Variants in APBA2 observed in about 807,000 individuals in gnomAD.
The protein encoded by APBA2 is amyloid beta precursor protein binding family A member 2.
A neutral mutation model predicts 75.0 loss-of-function variants in APBA2; 30 were observed. The observed-to-expected ratio is 0.40, with a 90% CI of 0.30 to 0.54. The LOEUF is 0.54. Among genes scored for constraint, APBA2 ranks in the 20% least tolerant of loss-of-function variants. The probability of loss-of-function intolerance (pLI) is 0.49; values close to 1 mark genes in which losing one functional copy is unlikely to be tolerated. For missense variants in APBA2, 801 were observed against 1,016.1 expected (o/e 0.79, Z 2.88); for synonymous variants, 444 against 409.6 (o/e 1.08, Z -1.01).
intron 2 of APBA2, among the ~76,000 whole-genome samples, chr15:28,978,222 G>A (rs917939379): frequency 4.6e-4 from 70 of 152,288 alleles, no homozygotes; most frequent in African/African-American, 1.6e-3. Flanking sequence ...CATTCATGTC[G>A]CTTCCCAGTT....
chr15:29,117,140 C>T lies in APBA2; in HGVS notation c.*7C>T, dbSNP rs752408604. On this transcript the variant is annotated 3_prime_UTR_variant, in exon 15 of 15. Coordinates refer to ENST00000683413, the MANE Select transcript of APBA2 (RefSeq NM_001353788.2). Reference sequence around the variant, plus strand: ...GACCCCGCTGTACATCTAGGCCACCCCAGCCTGGCCACGCAGCCAGGACAC... The same window carrying T: ...GACCCCGCTGTACATCTAGGCCACCTCAGCCTGGCCACGCAGCCAGGACAC... The T allele has an allele frequency of 1.9e-5, 30 of 1,612,650 alleles. No individual in the cohort carries two copies. Among genetic ancestry groups the T allele is most frequent in the Non-Finnish European group, 2.3e-5 (27 of 1,179,716 alleles).
intron 2 of APBA2, chr15:28,990,805 C>T (rs1344750101): frequency 6.6e-6 from 1 of 152,158 alleles, no homozygotes; most frequent in Non-Finnish European, 1.5e-5. Flanking sequence ...AGGTAAGTTT[C>T]CAAGAACAGA....
At chr15:28,946,381 G>A (rs2035551470) in intron 2 of APBA2, among the ~76,000 whole-genome samples, 1 of 152,194 alleles carries the variant, frequency 6.6e-6, no homozygotes, top group Admixed American at 6.5e-5. Flanking sequence ...CTGTGACGAT[G>A]GAAGTGGAGA....
At chr15:29,112,794 T>C (rs1274338529) in intron 13 of APBA2, among the ~76,000 whole-genome samples, 3 of 152,208 alleles carry the variant, frequency 2.0e-5, no homozygotes, top group Non-Finnish European at 4.4e-5. Context: ...CCATGGCCAC[T>C]GCGCTCTCCT....
intron 3 of APBA2, among the ~76,000 whole-genome samples, chr15:29,052,337 C>A (rs185217315): frequency 2.6e-5 from 4 of 151,418 alleles, no homozygotes; most frequent in Non-Finnish European, 5.9e-5. Context: ...CACCTGTAGT[C>A]CCAGCTACTC....
intron 6 of APBA2, among the ~76,000 whole-genome samples, chr15:29,083,017 G>A (rs142020166): frequency 4.6e-5 from 7 of 152,106 alleles, no homozygotes; most frequent in African/African-American, 9.6e-5. Context: ...AGCCGAGATC[G>A]TGCCACAGTG....
rs576644165 is a variant in APBA2, at chr15:28,942,542, A to G, written c.-95+20793A>G. ...GTCTTCAGTATTTCTTGGGGGAGGA[A>G]CTCGGTGTGGTTTTTTCCAGCCTGA... On this transcript the variant is annotated intron_variant, in intron 2 of 14. Coordinates refer to ENST00000683413, the MANE Select transcript of APBA2 (RefSeq NM_001353788.2). Among the ~76,000 whole-genome samples the G allele has an allele frequency of 2.6e-5, 4 of 151,932 alleles. No individual in the cohort carries two copies. In the South Asian group the frequency reaches 8.4e-4, roughly 32 times the overall value.
intron 1 of APBA2, among the ~76,000 whole-genome samples, chr15:28,896,523 C>T (rs1358224636): frequency 6.6e-6 from 1 of 152,234 alleles, no homozygotes; most frequent in Non-Finnish European, 1.5e-5. Flanking sequence ...TCATGATTCG[C>T]CCACATCGGC....
intron 4 of APBA2, among the ~76,000 whole-genome samples, chr15:29,058,551 A>G (rs1018059883): frequency 2.6e-5 from 4 of 151,776 alleles, no homozygotes; most frequent in Admixed American, 6.6e-5. Flanking sequence ...TGCCTGTACT[A>G]AGAAGTAGGT....
intron 14 of APBA2, among the ~76,000 whole-genome samples, chr15:29,116,679 C>T (rs1459327327): frequency 1.3e-5 from 2 of 152,036 alleles, no homozygotes; most frequent in South Asian, 2.1e-4. Context: ...TTGAGCTCCT[C>T]CTCAGTGAAG....
chr15:28,898,769 GCTT>G (rs2032665748), intron 1 of APBA2, among the ~76,000 whole-genome samples: 1 of 152,268 alleles, frequency 6.6e-6, no homozygotes, highest in South Asian at 2.1e-4. Context: ...ATGAGTCATG[GCTT>G]CTTCTACTGC....
At chr15:29,018,460 A>G (rs1565404) in intron 3 of APBA2, among the ~76,000 whole-genome samples, 55,234 of 152,154 alleles carry the variant, frequency 0.36, 16,293 homozygotes, top group African/African-American at 0.79. Flanking sequence ...TCAGGGACCT[A>G]TGAGCAAGAA....
rs945217566 is a variant in APBA2, at chr15:29,080,534, CCT to C, written c.1069+4447_1069+4448del. Among the ~76,000 whole-genome samples the C allele has an allele frequency of 3.9e-5, 6 of 152,212 alleles. No individual in the cohort carries two copies. The East Asian group carries it at 5.8e-4, about 15-fold the overall frequency. On this transcript the variant is annotated intron_variant, in intron 6 of 14. Coordinates refer to ENST00000683413, the MANE Select transcript of APBA2 (RefSeq NM_001353788.2). Reference sequence around the variant, plus strand: ...TGGAAAGTTCTCGGGGTCTAGCGACCCTCTCAGACTGGGAAGGTTAACGCTGC... The same window carrying C: ...TGGAAAGTTCTCGGGGTCTAGCGACCCTCAGACTGGGAAGGTTAACGCTGC...
chr15:29,117,086 G>T lies in APBA2; in HGVS notation c.2203G>T (p.Ala735Ser). ...GEIHMKTMPA[A>S]MFRLLTGQET... ...GATCCACATGAAGACCATGCCCGCCGCCATGTTCAGGCTCCTCACGGGTCA... is the reference window on the plus strand; with the variant it reads ...GATCCACATGAAGACCATGCCCGCCTCCATGTTCAGGCTCCTCACGGGTCA... Residue 735 changes from alanine to serine, a missense_variant, in exon 15 of 15, where the codon GCC becomes TCC. By Grantham distance (99) the Ala-to-Ser change is moderately conservative. This residue lies in a region of APBA2 where 367 missense variants were observed against 544.5 expected (regional missense o/e 0.67). Coordinates refer to ENST00000683413, the MANE Select transcript of APBA2 (RefSeq NM_001353788.2). 2 of 1,613,292 alleles carry T rather than the reference G, an allele frequency of 1.2e-6. No homozygotes were observed. Among genetic ancestry groups the T allele is most frequent in the Non-Finnish European group, 1.7e-6 (2 of 1,179,946 alleles).
intron 1 of APBA2, among the ~76,000 whole-genome samples, chr15:28,888,248 A>T (rs1315649008): frequency 6.6e-6 from 1 of 152,214 alleles, no homozygotes; most frequent in Non-Finnish European, 1.5e-5. Flanking sequence ...GAAATACTGG[A>T]TAAAAATAAG....
At chr15:28,945,195 A>G (rs1029492223) in intron 2 of APBA2, among the ~76,000 whole-genome samples, 7 of 152,228 alleles carry the variant, frequency 4.6e-5, no homozygotes, top group Non-Finnish European at 1.0e-4. Flanking sequence ...GGGGACGACC[A>G]GAGGGAAGGA....
chr15:28,945,709 G>C (rs903761030), intron 2 of APBA2, among the ~76,000 whole-genome samples: 3 of 151,974 alleles, frequency 2.0e-5, no homozygotes, highest in Admixed American at 1.3e-4. Context: ...GTAGAGACAG[G>C]GTTTTAACAT....
chr15:28,974,693 T>C (rs779758884), intron 2 of APBA2, among the ~76,000 whole-genome samples: 23 of 152,332 alleles, frequency 1.5e-4, no homozygotes, highest in Non-Finnish European at 3.1e-4. Context: ...AATAAGTTTT[T>C]AGGTGAAAGG....
chr15:29,044,206 G>A (rs2041191326), intron 3 of APBA2: 1 of 152,166 alleles, frequency 6.6e-6, no homozygotes, highest in South Asian at 2.1e-4. Context: ...CTAAGCACCA[G>A]CTAATGCTAT....
Sources: gnomAD v4.1 joint callset for allele counts (sites outside exome capture counted in the v4.1 genomes callset) on GRCh38, gnomAD v4.1.1 for gene constraint, gnomAD v4.1.1 regional missense constraint, MANE v1.5 for transcripts, NCBI Gene and HGNC (gene_info 2026-07-23, HGNC 2026-07-21) for gene names.